MPP1: variants seen among roughly 807,000 people sequenced by gnomAD.
MPP1 encodes MAGUK p55 scaffold protein 1.
Under a neutral mutation model 38.2 loss-of-function variants are expected in MPP1, and 6 were observed. The observed-to-expected ratio is 0.16, with a 90% CI of 0.09 to 0.31. The LOEUF is 0.31. MPP1 is among the 10% of genes least tolerant of loss of function. MPP1 has a pLI of 1.00. For missense variants in MPP1, 293 were observed against 368.9 expected (o/e 0.79, Z 1.69); for synonymous variants, 153 against 146.3 (o/e 1.05, Z -0.33).
intron 1 of MPP1, 56 bp downstream of exon 1, chrX:154,805,216 G>A: frequency 3.7e-6 from 4 of 1,094,840 alleles, no homozygotes; most frequent in Middle Eastern, 2.5e-4. Context: ...GGAAAGTCCC[G>A]AGATGAATGG....
At position 154,778,774 on chromosome X, in the gene MPP1, T is replaced by C. The variant is rs782363660; in HGVS notation, c.*403A>G. ...GCACAGATGTGTCATTTTGGCATTA[T>C]AGAAAGTTGCAGTTAAAAACGCTTT... is the stretch of plus-strand genomic sequence containing the variant. On this transcript the variant is annotated 3_prime_UTR_variant, in exon 12 of 12. Transcript: ENST00000369534. The C allele has an allele frequency of 2.2e-5, 3 of 137,776 alleles. No homozygotes were observed. Among genetic ancestry groups the C allele is most frequent in the East Asian group, 3.9e-4 (2 of 5,091 alleles). 11.4% of individuals were successfully genotyped at this position (137,776 alleles called of 1,213,427 possible). A position where few individuals can be genotyped will look rare whatever the true frequency, so the allele number is the denominator to read the frequency against.
chrX:154,779,909 G>A (rs1411776734), intron 11 of MPP1, among the ~76,000 whole-genome samples: 5 of 112,900 alleles, frequency 4.4e-5, no homozygotes, highest in African/African-American at 9.6e-5. Context: ...AGTAGAGACA[G>A]GGTTTTGCCA....
Position 154,786,387 on chromosome X carries a change from G to A in MPP1, c.494C>T (p.Ala165Val), listed in dbSNP as rs1557267196. ...RLPALQMFMR[A>V]QFDYDPKKDN... ...CTTTTTGGGATCATAGTCAAACTGC[G>A]CTCTCATGAACATCTAAAAAGAAGG... The change falls in exon 6 of 12, where the codon GCG becomes GTG. Residue 165 changes from alanine (A) to valine (V), a missense_variant. Coordinates refer to ENST00000369534, the MANE Select transcript of MPP1 (RefSeq NM_002436.4). 4.1e-6 allele frequency: 5 copies of A among 1,209,853 alleles called. No individual in the cohort carries two copies. The South Asian group carries it at 5.3e-5, about 13-fold the overall frequency.
chrX:154,796,790 C>T (rs1384454219), intron 1 of MPP1, among the ~76,000 whole-genome samples: 1 of 111,890 alleles, frequency 8.9e-6, no homozygotes, highest in Non-Finnish European at 1.9e-5. Context: ...GGAGAAAAAT[C>T]GAAAGGAAGA....
chrX:154,791,624 G>A, intron 3 of MPP1, 145 bp downstream of exon 3: 1 of 487,710 alleles, frequency 2.1e-6, no homozygotes, highest in Non-Finnish European at 3.5e-6. Flanking sequence ...TACAGAGCCA[G>A]TTATTAAGCC....
At chrX:154,796,135 T>C (rs1475400008) in intron 1 of MPP1, among the ~76,000 whole-genome samples, 1 of 108,523 alleles carries the variant, frequency 9.2e-6, no homozygotes, top group Non-Finnish European at 1.9e-5. Flanking sequence ...TTTTCTTTTC[T>C]TTTTTCTTTT....
rs1557267808 is a variant in MPP1 at position 154,792,130 on chromosome X, A to G, written c.246+12T>C. 8.3e-7 allele frequency: 1 copy of G among 1,207,558 alleles called. No individual in the cohort carries two copies. On this transcript the variant is annotated intron_variant, in intron 2 of 11. Coordinates refer to ENST00000369534, the MANE Select transcript of MPP1 (RefSeq NM_002436.4). Reference sequence around the variant, plus strand: ...AGAGTAACTGGTGGGCGACAATATGACGGGGGATTACCATGGGCTCTTCTG... The same window carrying G: ...AGAGTAACTGGTGGGCGACAATATGGCGGGGGATTACCATGGGCTCTTCTG...
At position 154,805,262 on chromosome X, in the gene MPP1, GC is replaced by G; in HGVS notation, c.102+9del. The G allele has an allele frequency of 1.7e-6, 2 of 1,192,318 alleles. No homozygotes were observed. The highest frequency in any genetic ancestry group is 2.3e-6 in the Non-Finnish European group (2 of 883,895). ...GCCCAGCGCCCTTGGGACTAGCGGG[GC>G]CCGCTCACCTCTGGCCGACTACGCT... On this transcript the variant is annotated intron_variant, in intron 1 of 11. Coordinates refer to ENST00000369534, the MANE Select transcript of MPP1 (RefSeq NM_002436.4).
At chrX:154,787,786 G>A (rs782308972) in intron 5 of MPP1, among the ~76,000 whole-genome samples, 2 of 112,191 alleles carry the variant, frequency 1.8e-5, no homozygotes, top group Non-Finnish European at 3.8e-5. Flanking sequence ...TTCCCTTTAA[G>A]ATGGAAAAAT....
chrX:154,781,480 G>A, intron 10 of MPP1, 120 bp downstream of exon 10: 4 of 866,928 alleles, frequency 4.6e-6, no homozygotes, highest in Non-Finnish European at 6.7e-6. Context: ...CTTGTTCCAG[G>A]CTGACCCCAT....
Position 154,784,111 on chromosome X carries a change from A to G in MPP1, c.785-3T>C, listed in dbSNP as rs1557266941. 3 of 1,199,327 alleles carry G rather than the reference A, an allele frequency of 2.5e-6. No individual in the cohort carries two copies. The highest frequency in any genetic ancestry group is 3.4e-6 in the Non-Finnish European group (3 of 887,658). On this transcript the variant is annotated splice_region_variant and splice_polypyrimidine_tract_variant and intron_variant, in intron 7 of 11. Coordinates refer to ENST00000369534, the MANE Select transcript of MPP1 (RefSeq NM_002436.4). Reference sequence around the variant, plus strand: ...AACAACATCCAACTGATCAAAAACTAGAGACAAAGAAAACCAAGCAGTGTT... The same window carrying G: ...AACAACATCCAACTGATCAAAAACTGGAGACAAAGAAAACCAAGCAGTGTT...
chrX:154,804,796 C>T, intron 1 of MPP1: 2 of 343,275 alleles, frequency 5.8e-6, no homozygotes, highest in South Asian at 2.6e-5. Context: ...ACACTGGCCA[C>T]CCTCTTTGCA....
chrX:154,802,563 C>G (rs2072279032), intron 1 of MPP1, among the ~76,000 whole-genome samples: 1 of 111,242 alleles, frequency 9.0e-6, no homozygotes, highest in African/African-American at 3.3e-5. Flanking sequence ...AAGAGAAAAG[C>G]AGTATTGGGA....
chrX:154,786,429 C>T lies in MPP1; in HGVS notation c.481-29G>A, dbSNP rs782805641. On this transcript the variant is annotated intron_variant, in intron 5 of 11. Transcript: ENST00000369534. ...AAAAGAAGGTAAAAGGAACTGCAGG[C>T]GGCAGCTTCAAAAGAAACACCAGCA... is the stretch of plus-strand genomic sequence containing the variant. 11 of 1,173,183 alleles carry T rather than the reference C, an allele frequency of 9.4e-6. No homozygotes were observed. The Admixed American group carries it at 1.1e-4, about 12-fold the overall frequency.
At chrX:154,799,260 G>A (rs983723481) in intron 1 of MPP1, among the ~76,000 whole-genome samples, 11 of 111,871 alleles carry the variant, frequency 9.8e-5, no homozygotes, top group Non-Finnish European at 1.9e-5. Context: ...TGCAAATGAT[G>A]ACTAAGAAAA....
rs781783367 is a variant in MPP1, at chrX:154,791,758, C to T, written c.325+11G>A. The stretch of plus-strand genomic sequence containing the variant: ...CTGAATCAAACCCCACCCAGAGCTC[C>T]CACAGAGTACCTTGTCTATGGATCA... On this transcript the variant is annotated intron_variant, in intron 3 of 11. Coordinates refer to ENST00000369534, the MANE Select transcript of MPP1 (RefSeq NM_002436.4). The T allele has an allele frequency of 8.3e-7, 1 of 1,202,732 alleles. No individual in the cohort carries two copies. Among genetic ancestry groups the T allele is most frequent in the Non-Finnish European group, 1.1e-6 (1 of 887,863 alleles).
intron 8 of MPP1, 162 bp downstream of exon 8, chrX:154,783,866 G>A (rs782736313): frequency 2.2e-6 from 1 of 458,393 alleles, no homozygotes; most frequent in African/African-American, 2.5e-5. Flanking sequence ...GGACCCAGGT[G>A]GGGTGCACGT....
intron 11 of MPP1, among the ~76,000 whole-genome samples, chrX:154,781,035 G>C (rs1414636632): frequency 1.8e-5 from 2 of 111,730 alleles, no homozygotes; most frequent in African/African-American, 6.5e-5. Flanking sequence ...TTTTGTCCCT[G>C]TTAGGTAGCA....
Position 154,804,679 on chromosome X carries a change from CAG to C in MPP1, c.102+591_102+592del, listed in dbSNP as rs1198545330. The C allele has an allele frequency of 2.7e-5, 9 of 338,711 alleles. No homozygotes were observed. The East Asian group carries it at 8.8e-4, about 33-fold the overall frequency. The allele number at this position is 338,711 out of a possible 1,213,427, so 27.9% of individuals were successfully genotyped here. On this transcript the variant is annotated intron_variant, in intron 1 of 11. Coordinates refer to ENST00000369534, the MANE Select transcript of MPP1 (RefSeq NM_002436.4). Reference sequence around the variant, plus strand: ...GAGTTTGGGAGAGATTTGCCAGTAACAGATAAGCACAACCTACCCTTAGGGCA... The same window carrying C: ...GAGTTTGGGAGAGATTTGCCAGTAACATAAGCACAACCTACCCTTAGGGCA...
Sources: gnomAD v4.1 joint callset for allele counts (sites outside exome capture counted in the v4.1 genomes callset) on GRCh38, gnomAD v4.1.1 for gene constraint, MANE v1.5 for transcripts, NCBI Gene and HGNC (gene_info 2026-07-23, HGNC 2026-07-21) for gene names.